MERTK: variants seen among roughly 807,000 people sequenced by gnomAD.
MERTK encodes the protein MER proto-oncogene, tyrosine kinase.
Under a neutral mutation model 99.3 loss-of-function variants are expected in MERTK, and 69 were observed. The observed-to-expected ratio is 0.70, with a 90% CI of 0.57 to 0.85. The LOEUF (loss-of-function observed/expected upper bound fraction) is 0.85, where lower values mean the gene tolerates loss of function less well. MERTK is among the 40% of genes least tolerant of loss of function. MERTK has a pLI of 0.00. For missense variants in MERTK, 1,125 were observed against 1,249.4 expected, an observed-to-expected ratio of 0.90 and a Z score of 1.50; for synonymous variants, 426 against 467.6, an observed-to-expected ratio of 0.91 and a Z score of 1.15.
chr2:111,991,905 C>T (rs191281682), intron 8 of MERTK, among the ~76,000 whole-genome samples: 1 of 152,286 alleles, frequency 6.6e-6, no homozygotes, highest in East Asian at 1.9e-4. Context: ...GAAGTAGCTT[C>T]AGAGCTTTAA....
At chr2:111,933,947 A>G (rs1440556309) in intron 2 of MERTK, among the ~76,000 whole-genome samples, 1 of 135,198 alleles carries the variant, frequency 7.4e-6, no homozygotes. Flanking sequence ...GTCAATTCCC[A>G]CTGATGAGTG....
intron 10 of MERTK, among the ~76,000 whole-genome samples, chr2:111,999,185 T>C (rs1676818067): frequency 6.6e-6 from 1 of 152,214 alleles, no homozygotes; most frequent in African/African-American, 2.4e-5. Context: ...GTACCTAAGG[T>C]AACTTGAGAT....
intron 1 of MERTK, among the ~76,000 whole-genome samples, chr2:111,921,129 T>C (rs931354102): frequency 6.6e-6 from 1 of 152,150 alleles, no homozygotes; most frequent in Non-Finnish European, 1.5e-5. Context: ...AATATCAGCC[T>C]GGTGTGTGCA....
At chr2:111,910,109 A>T (rs1185245858) in intron 1 of MERTK, among the ~76,000 whole-genome samples, 1 of 152,120 alleles carries the variant, frequency 6.6e-6, no homozygotes, top group African/African-American at 2.4e-5. Context: ...TACTAGAAAT[A>T]AAAAAATTAG....
chr2:111,915,039 T>C (rs1198208618), intron 1 of MERTK, among the ~76,000 whole-genome samples: 1 of 152,226 alleles, frequency 6.6e-6, no homozygotes, highest in Non-Finnish European at 1.5e-5. Flanking sequence ...TTTTCGGTAG[T>C]TTAAAAAATT....
intron 12 of MERTK, 95 bp downstream of exon 12, chr2:112,003,282 C>A: frequency 2.9e-6 from 2 of 690,388 alleles, no homozygotes; most frequent in South Asian, 3.0e-5. Flanking sequence ...AAAATAGCAT[C>A]TCAGGACTCT....
intron 1 of MERTK, among the ~76,000 whole-genome samples, chr2:111,927,940 C>T (rs1275895295): frequency 1.3e-5 from 2 of 152,134 alleles, no homozygotes; most frequent in Non-Finnish European, 2.9e-5. Flanking sequence ...TCACTCACTC[C>T]CTCCCAACGT....
intron 6 of MERTK, among the ~76,000 whole-genome samples, chr2:111,973,774 C>G (rs564149087): frequency 2.6e-5 from 4 of 152,044 alleles, no homozygotes; most frequent in Non-Finnish European, 5.9e-5. Context: ...TCCCCATACC[C>G]AGACAGGAGG....
intron 1 of MERTK, among the ~76,000 whole-genome samples, chr2:111,903,631 G>A (rs1033672693): frequency 4.6e-5 from 7 of 152,174 alleles, no homozygotes; most frequent in African/African-American, 1.7e-4. Context: ...CTCAGCAGGA[G>A]ATTAATTATT....
intron 11 of MERTK, among the ~76,000 whole-genome samples, chr2:112,001,698 T>C (rs1016976642): frequency 6.6e-6 from 1 of 152,214 alleles, no homozygotes; most frequent in South Asian, 2.1e-4. Flanking sequence ...GGTTTGAGCT[T>C]TGCTGAATCA....
chr2:111,899,425 G>C (rs1683999613), intron 1 of MERTK, among the ~76,000 whole-genome samples: 1 of 152,256 alleles, frequency 6.6e-6, no homozygotes, highest in African/African-American at 2.4e-5. Context: ...GGGAAAAGGG[G>C]AGCGTTCTTT....
At chr2:111,901,913 T>C (rs1443807839) in intron 1 of MERTK, among the ~76,000 whole-genome samples, 1 of 151,640 alleles carries the variant, frequency 6.6e-6, no homozygotes, top group South Asian at 2.1e-4. Context: ...AGATAGAGTT[T>C]CACTCTTGCT....
intron 18 of MERTK, among the ~76,000 whole-genome samples, chr2:112,023,887 AC>A (rs1677410784): frequency 6.6e-6 from 1 of 150,914 alleles, no homozygotes; most frequent in South Asian, 2.1e-4. Context: ...CCCTCCCTAC[AC>A]ACACACACAC....
At chr2:112,013,224 A>G (rs573601835) in intron 15 of MERTK, 2 of 154,410 alleles carry the variant, frequency 1.3e-5, no homozygotes, top group East Asian at 3.9e-4. Context: ...CTGCAGCTGC[A>G]TCACACAGCT....
At chr2:111,930,709 T>C (rs1437221624) in intron 2 of MERTK, among the ~76,000 whole-genome samples, 1 of 152,172 alleles carries the variant, frequency 6.6e-6, no homozygotes, top group Non-Finnish European at 1.5e-5. Context: ...GGGTTGTGTG[T>C]GACAGGGATA....
At chr2:112,008,499 G>T in intron 14 of MERTK, 24 bp downstream of exon 14, 1 of 1,582,078 alleles carries the variant, frequency 6.3e-7, no homozygotes, top group Non-Finnish European at 8.7e-7. Context: ...ATGCAGGAGT[G>T]GGTGGCCAAG....
intron 4 of MERTK, among the ~76,000 whole-genome samples, chr2:111,954,829 A>G (rs749802885): frequency 4.6e-5 from 7 of 152,078 alleles, no homozygotes; most frequent in Non-Finnish European, 8.8e-5. Context: ...CACAGGGGTT[A>G]CTCTCAAAAG....
chr2:112,019,463 A>G lies in MERTK; in HGVS notation c.2130A>G (p.Gly710=). 3 of 1,613,852 alleles carry G rather than the reference A, an allele frequency of 1.9e-6. No homozygotes were observed. Among genetic ancestry groups the G allele is most frequent in the Non-Finnish European group, 2.5e-6 (3 of 1,179,870 alleles). The stretch of plus-strand genomic sequence containing the variant: ...AGTTCATGGTGGATATTGCCCTGGG[A>G]ATGGAGTATCTGAGCAACAGGAATT... ...LLKFMVDIAL[G]MEYLSNRNFL... is the part of the protein sequence containing the mutation. The change falls in exon 16 of 19, where the codon GGA becomes GGG. Residue 710 remains glycine (G), a synonymous_variant. Coordinates refer to ENST00000295408, the MANE Select transcript of MERTK (RefSeq NM_006343.3).
intron 8 of MERTK, among the ~76,000 whole-genome samples, chr2:111,983,207 C>CTCAT (rs1037122248): frequency 1.2e-4 from 19 of 152,018 alleles, no homozygotes; most frequent in African/African-American, 4.4e-4. Context: ...TCCTCACTTA[C>CTCAT]TCATTCATTC....
Sources: allele counts gnomAD v4.1 joint callset (sites outside exome capture counted in the v4.1 genomes callset), GRCh38; gene constraint gnomAD v4.1.1; transcripts MANE v1.5; gene names NCBI Gene and HGNC (gene_info 2026-07-23, HGNC 2026-07-21).